Variants in PTPRD observed in about 807,000 individuals in gnomAD.
The protein encoded by PTPRD is receptor-type tyrosine-protein phosphatase delta.
A neutral mutation model predicts 214.5 loss-of-function variants in PTPRD; 34 were observed. The observed-to-expected ratio is 0.16, with a 90% confidence interval of 0.12 to 0.21. The LOEUF is 0.21. Among genes scored for constraint, PTPRD ranks in the 10% least tolerant of loss-of-function variants. PTPRD has a pLI of 1.00. For synonymous variants in PTPRD, 1,128 were observed against 845.7 expected (o/e 1.33, Z -5.79); for missense variants, 2,545 against 2,398.7 (o/e 1.06, Z -1.27).
At chr9:10,467,037 C>T (rs1204233851) in intron 2 of PTPRD, among the ~76,000 whole-genome samples, 3 of 152,164 alleles carry the variant, frequency 2.0e-5, no homozygotes, top group Non-Finnish European at 4.4e-5. Flanking sequence ...GGCAACCATC[C>T]ATCAACCTTT....
intron 2 of PTPRD, among the ~76,000 whole-genome samples, chr9:10,429,663 G>C (rs1489419576): frequency 6.6e-6 from 1 of 150,438 alleles, no homozygotes; most frequent in Non-Finnish European, 1.5e-5. Context: ...ATAATATATA[G>C]ATATATATTC....
At chr9:9,080,593 C>T (rs1030849968) in intron 10 of PTPRD, among the ~76,000 whole-genome samples, 3 of 152,034 alleles carry the variant, frequency 2.0e-5, no homozygotes, top group African/African-American at 4.8e-5. Context: ...TAGCATGTGA[C>T]TCCTGCAGTC....
chr9:10,307,205 C>A (rs1276703224), intron 3 of PTPRD, among the ~76,000 whole-genome samples: 1 of 146,514 alleles, frequency 6.8e-6, no homozygotes, highest in South Asian at 2.3e-4. Flanking sequence ...AATTAAATAA[C>A]CTGTTTTCAT....
intron 5 of PTPRD, among the ~76,000 whole-genome samples, chr9:9,937,222 A>T (rs10816254): frequency 0.52 from 78,782 of 151,006 alleles, 24,010 homozygotes; most frequent in East Asian, 0.91. Context: ...ACTTAAAGTA[A>T]AATAATAAAA....
intron 14 of PTPRD, among the ~76,000 whole-genome samples, chr9:8,580,645 T>A (rs1473766842): frequency 2.6e-5 from 4 of 152,138 alleles, no homozygotes; most frequent in African/African-American, 9.7e-5. Flanking sequence ...TAGCACTAAG[T>A]AGTGAGTGAT....
chr9:8,991,978 GA>G (rs543864082), intron 11 of PTPRD, among the ~76,000 whole-genome samples: 14 of 152,110 alleles, frequency 9.2e-5, no homozygotes, highest in Non-Finnish European at 2.9e-5. Context: ...TGTTCAGAAT[GA>G]AAAAAATGAA....
intron 14 of PTPRD, among the ~76,000 whole-genome samples, chr9:8,627,424 C>T (rs1415022787): frequency 6.6e-6 from 1 of 151,784 alleles, no homozygotes; most frequent in African/African-American, 2.4e-5. Context: ...ACCAAATTCC[C>T]TTCTAGCTCA....
chr9:9,914,822 C>T (rs73402625), intron 5 of PTPRD, among the ~76,000 whole-genome samples: 40,900 of 151,856 alleles, frequency 0.27, 6,613 homozygotes, highest in African/African-American at 0.44. Flanking sequence ...CAAATATGCC[C>T]CCAAACTAGC....
chr9:10,198,102 A>T (rs2099405061), intron 3 of PTPRD, among the ~76,000 whole-genome samples: 1 of 152,164 alleles, frequency 6.6e-6, no homozygotes, highest in African/African-American at 2.4e-5. Flanking sequence ...CTTCTAATAC[A>T]TATCTAACAC....
intron 11 of PTPRD, among the ~76,000 whole-genome samples, chr9:8,771,194 A>G (rs1232662932): frequency 6.6e-6 from 1 of 151,698 alleles, no homozygotes; most frequent in African/African-American, 2.4e-5. Context: ...AAAAAAAAAG[A>G]TAGTAGTCTT....
intron 14 of PTPRD, among the ~76,000 whole-genome samples, chr9:8,536,906 C>G (rs1442988968): frequency 6.6e-6 from 1 of 151,992 alleles, no homozygotes; most frequent in Non-Finnish European, 1.5e-5. Flanking sequence ...GTATTTGCTA[C>G]TTTGTCGAAC....
Position 8,492,859 on chromosome 9 carries a change from T to C in PTPRD, c.2467+3A>G, listed in dbSNP as rs2097179809. The C allele has an allele frequency of 6.2e-7, 1 of 1,609,316 alleles. No homozygotes were observed. The highest frequency in any genetic ancestry group is 8.5e-7 in the Non-Finnish European group (1 of 1,175,810). On this transcript the variant is annotated splice_donor_region_variant and intron_variant, in intron 27 of 45. Coordinates refer to ENST00000381196, the MANE Select transcript of PTPRD (RefSeq NM_002839.4). ...AGGCACATACATGCACAGACATGATTACCTGCCCCAGTGGTGGACACCAGT... is the reference window on the plus strand; with the variant it reads ...AGGCACATACATGCACAGACATGATCACCTGCCCCAGTGGTGGACACCAGT...
At position 8,672,611 on chromosome 9, in the gene PTPRD, T is replaced by C. The variant is rs181075991; in HGVS notation, c.65-35767A>G. Among the ~76,000 whole-genome samples the C allele has an allele frequency of 3.7e-3, 568 of 152,220 alleles. 1 individual carries two copies. Among genetic ancestry groups the C allele is most frequent in the Non-Finnish European group, 6.4e-3 (434 of 67,984 alleles). ...ATTAAAAAGGGTGTAAAGTTAGAAA[T>C]TGAATATCCTCTAATGAACAAATCT... On this transcript the variant is annotated intron_variant, in intron 12 of 45. Transcript: ENST00000381196.
intron 9 of PTPRD, among the ~76,000 whole-genome samples, chr9:9,238,700 G>C (rs2099968634): frequency 6.6e-6 from 1 of 152,052 alleles, no homozygotes. Context: ...TCAATAAAAT[G>C]TCCATGCAAT....
intron 39 of PTPRD, among the ~76,000 whole-genome samples, chr9:8,363,686 G>A (rs959742660): frequency 6.6e-6 from 1 of 152,208 alleles, no homozygotes; most frequent in Non-Finnish European, 1.5e-5. Context: ...AGCCTTTGCA[G>A]GCTGACCAAT....
rs555058307 is a variant in PTPRD, at chr9:9,312,124, C to T, written c.-203+85325G>A. ...TGCCTCACAGATCATAAACATTAAG[C>T]TTGATTTCAGCAAATCAAAATATTT... On this transcript the variant is annotated intron_variant, in intron 9 of 45. Transcript: ENST00000381196. 3.5e-4 allele frequency among the ~76,000 whole-genome samples: 53 copies of T among 152,224 alleles called. No homozygotes were observed. The Middle Eastern group carries it at 0.02, about 59-fold the overall frequency.
intron 5 of PTPRD, among the ~76,000 whole-genome samples, chr9:9,880,424 T>C (rs1171537964): frequency 2.0e-5 from 3 of 152,216 alleles, no homozygotes; most frequent in African/African-American, 7.2e-5. Context: ...TCAGATGTTA[T>C]TTACTTTTTT....
chr9:9,797,527 T>A (rs1323617999), intron 5 of PTPRD, among the ~76,000 whole-genome samples: 1 of 152,048 alleles, frequency 6.6e-6, no homozygotes, highest in Non-Finnish European at 1.5e-5. Flanking sequence ...CCAAAACTGA[T>A]GAGGCTATAC....
chr9:9,825,312 A>C (rs1443649566), intron 5 of PTPRD, among the ~76,000 whole-genome samples: 1 of 151,588 alleles, frequency 6.6e-6, no homozygotes, highest in African/African-American at 2.4e-5. Flanking sequence ...GGTAGGAAGA[A>C]AGAGAAAGAA....
Sources: allele counts gnomAD v4.1 joint callset (sites outside exome capture counted in the v4.1 genomes callset), GRCh38; gene constraint gnomAD v4.1.1; transcripts MANE v1.5; gene names NCBI Gene and HGNC (gene_info 2026-07-23, HGNC 2026-07-21).